Variants in ETNK1 observed in about 807,000 individuals in gnomAD.
ETNK1 encodes putative protein product of Nbla10396.
A neutral mutation model predicts 45.1 loss-of-function variants in ETNK1; 8 were observed. That is an observed-to-expected ratio of 0.18 (90% CI 0.10 to 0.32). The LOEUF (loss-of-function observed/expected upper bound fraction) is 0.32, where lower values mean the gene tolerates loss of function less well. ETNK1 is among the 10% of genes least tolerant of loss of function. The pLI is 1.00. For missense variants in ETNK1, 302 were observed against 430.6 expected (o/e 0.70, Z 2.64); for synonymous variants, 152 against 151.9 (o/e 1.00, Z -0.01).
intron 4 of ETNK1, among the ~76,000 whole-genome samples, chr12:22,664,667 C>A (rs1054868738): frequency 6.6e-6 from 1 of 151,854 alleles, no homozygotes; most frequent in Admixed American, 6.6e-5. Flanking sequence ...TCTTTAGTTG[C>A]CTTATTATAG....
Position 22,625,368 on chromosome 12 carries a change from C to T in ETNK1, c.-63C>T. ...GGAAGGATCCACCAGTCTGTCGGCG[C>T]CCGCCGTTCTCGTGGTCGCCGTCGC... On this transcript the variant is annotated 5_prime_UTR_variant, in exon 1 of 8. Coordinates refer to ENST00000266517, the MANE Select transcript of ETNK1 (RefSeq NM_018638.5). 6.4e-7 allele frequency: 1 copy of T among 1,564,892 alleles called. No individual in the cohort carries two copies. Among genetic ancestry groups the T allele is most frequent in the Non-Finnish European group, 8.6e-7 (1 of 1,157,574 alleles).
At chr12:22,671,695 C>T (rs554394707) in intron 5 of ETNK1, among the ~76,000 whole-genome samples, 1 of 151,654 alleles carries the variant, frequency 6.6e-6, no homozygotes, top group Non-Finnish European at 1.5e-5. Context: ...AAAATTTAGC[C>T]GGGCGTGGTG....
At chr12:22,659,220 G>T in intron 3 of ETNK1, 66 bp downstream of exon 3, 1 of 1,453,272 alleles carries the variant, frequency 6.9e-7, no homozygotes, top group East Asian at 2.3e-5. Flanking sequence ...GGTTTCAAAG[G>T]TAATTGTAAA....
intron 1 of ETNK1, among the ~76,000 whole-genome samples, chr12:22,634,492 G>A (rs567735765): frequency 6.6e-6 from 1 of 152,062 alleles, no homozygotes; most frequent in African/African-American, 2.4e-5. Flanking sequence ...AATAATACAT[G>A]TTTAAGGTCT....
chr12:22,650,428 T>G (rs554233143), intron 2 of ETNK1, among the ~76,000 whole-genome samples: 4 of 152,162 alleles, frequency 2.6e-5, no homozygotes, highest in African/African-American at 9.6e-5. Context: ...TTGTAGATAT[T>G]CTTTATCAGA....
chr12:22,644,063 G>T (rs1287026518), intron 2 of ETNK1, 41 bp downstream of exon 2: 2 of 1,534,570 alleles, frequency 1.3e-6, no homozygotes, highest in Non-Finnish European at 8.8e-7. Context: ...GAAAAATAGG[G>T]CATTTAAGTG....
At chr12:22,650,523 T>G (rs1028869200) in intron 2 of ETNK1, among the ~76,000 whole-genome samples, 5 of 152,038 alleles carry the variant, frequency 3.3e-5, no homozygotes, top group African/African-American at 1.2e-4. Flanking sequence ...TTTCTGCACA[T>G]GTCGATAGGT....
At chr12:22,684,447 TATC>T in intron 6 of ETNK1, 33 bp from the exon 7 acceptor site, 1 of 1,441,504 alleles carries the variant, frequency 6.9e-7, no homozygotes, top group South Asian at 1.2e-5. Flanking sequence ...AGAAATTCAT[TATC>T]ATAATTTTTG....
At position 22,651,837 on chromosome 12, in the gene ETNK1, C is replaced by G. The variant is rs531856281; in HGVS notation, c.417-7177C>G. 3.9e-5 allele frequency among the ~76,000 whole-genome samples: 6 copies of G among 152,054 alleles called. No homozygotes were observed. In the East Asian group the frequency reaches 7.8e-4, roughly 20 times the overall value. Reference sequence around the variant, plus strand: ...AGTAGCTGGGACTATAGGTGCCCACCACCTCGCCCTGCCGAGTTTTGTATT... The same window carrying G: ...AGTAGCTGGGACTATAGGTGCCCACGACCTCGCCCTGCCGAGTTTTGTATT... On this transcript the variant is annotated intron_variant, in intron 2 of 7. Transcript: ENST00000266517.
At chr12:22,655,419 C>T (rs1201479822) in intron 2 of ETNK1, among the ~76,000 whole-genome samples, 1 of 151,318 alleles carries the variant, frequency 6.6e-6, no homozygotes. Flanking sequence ...TCACTGCAAC[C>T]TCCGCCGCCT....
chr12:22,680,736 A>T (rs895728084), intron 6 of ETNK1, among the ~76,000 whole-genome samples: 3 of 152,152 alleles, frequency 2.0e-5, no homozygotes, highest in African/African-American at 7.2e-5. Flanking sequence ...ATGGTTAGTA[A>T]ATGTTGATTG....
At chr12:22,657,892 T>C (rs1166943939) in intron 2 of ETNK1, among the ~76,000 whole-genome samples, 3 of 152,054 alleles carry the variant, frequency 2.0e-5, no homozygotes, top group African/African-American at 7.2e-5. Context: ...ACAAGAATAT[T>C]CACAATAGTA....
intron 4 of ETNK1, among the ~76,000 whole-genome samples, chr12:22,661,639 A>G (rs1405953829): frequency 6.6e-6 from 1 of 152,194 alleles, no homozygotes; most frequent in Non-Finnish European, 1.5e-5. Flanking sequence ...TTAAAAACAA[A>G]TGTGTCTCCA....
Position 22,690,470 on chromosome 12 carries a change from A to G in ETNK1, c.*5516A>G, listed in dbSNP as rs1954294636. The stretch of plus-strand genomic sequence containing the variant: ...CATTCATGTAACTGGTTAAGTAAAA[A>G]TACATTTTCACTATGTGTTCATAAA... On this transcript the variant is annotated 3_prime_UTR_variant, in exon 8 of 8. Coordinates refer to ENST00000266517, the MANE Select transcript of ETNK1 (RefSeq NM_018638.5). The G allele has an allele frequency of 6.6e-6, 1 of 152,596 alleles. No homozygotes were observed. Among genetic ancestry groups the G allele is most frequent in the African/African-American group, 2.4e-5 (1 of 41,454 alleles). The allele number at this position is 152,596 out of a possible 1,614,324, so 9.5% of individuals were successfully genotyped here. A position where few individuals can be genotyped will look rare whatever the true frequency, so the allele number is the denominator to read the frequency against.
chr12:22,650,695 C>A (rs1953863377), intron 2 of ETNK1, among the ~76,000 whole-genome samples: 1 of 151,206 alleles, frequency 6.6e-6, no homozygotes. Flanking sequence ...TTTGTGTCAG[C>A]AAATATATTA....
Position 22,689,614 on chromosome 12 carries a change from T to C in ETNK1, c.*4660T>C, listed in dbSNP as rs2137584577. 6.6e-6 allele frequency: 1 copy of C among 152,072 alleles called. No individual in the cohort carries two copies. The highest frequency in any genetic ancestry group is 2.4e-5 in the African/African-American group (1 of 41,534). The allele number at this position is 152,072 out of a possible 1,614,324, so 9.4% of individuals were successfully genotyped here. ...GTAAGAAAAAAACTAGCCAACAGAA[T>C]TGTAGGTGATGCATTAGTTAAATTT... is the stretch of plus-strand genomic sequence containing the variant. On this transcript the variant is annotated 3_prime_UTR_variant, in exon 8 of 8. Coordinates refer to ENST00000266517, the MANE Select transcript of ETNK1 (RefSeq NM_018638.5).
intron 6 of ETNK1, among the ~76,000 whole-genome samples, chr12:22,680,097 C>T (rs1020027399): frequency 6.6e-6 from 1 of 152,140 alleles, no homozygotes; most frequent in African/African-American, 2.4e-5. Context: ...CTCTTTCCTC[C>T]TCTTCTCCCA....
rs1954267017 is a variant in ETNK1, at chr12:22,687,143, T to G, written c.*2189T>G. Reference sequence around the variant, plus strand: ...TATGCAGTGGATCTTGGGAACAAAATAAGATATCTAATCTATTTTCCCCAT... The same window carrying G: ...TATGCAGTGGATCTTGGGAACAAAAGAAGATATCTAATCTATTTTCCCCAT... On this transcript the variant is annotated 3_prime_UTR_variant, in exon 8 of 8. Transcript: ENST00000266517. The G allele has an allele frequency of 6.6e-6, 1 of 151,716 alleles. No individual in the cohort carries two copies. The highest frequency in any genetic ancestry group is 2.1e-4 in the South Asian group (1 of 4,820). The allele number at this position is 151,716 out of a possible 1,614,324, so 9.4% of individuals were successfully genotyped here.
At chr12:22,639,094 C>T (rs1326877059) in intron 1 of ETNK1, among the ~76,000 whole-genome samples, 3 of 151,964 alleles carry the variant, frequency 2.0e-5, no homozygotes, top group African/African-American at 7.3e-5. Flanking sequence ...TTTCATAAGC[C>T]TCTTTAAACT....
Sources: gnomAD v4.1 joint callset for allele counts (sites outside exome capture counted in the v4.1 genomes callset) on GRCh38, gnomAD v4.1.1 for gene constraint, MANE v1.5 for transcripts, NCBI Gene and HGNC (gene_info 2026-07-23, HGNC 2026-07-21) for gene names.